The following GBE1 variants were observed in gnomAD, a reference collection of about 807,000 sequenced individuals.
The protein encoded by GBE1 is 1,4-alpha-glucan-branching enzyme.
GBE1 carries 70 observed loss-of-function variants against 88.8 expected under a neutral mutation model. The observed-to-expected ratio is 0.79, with a 90% CI of 0.65 to 0.96. The LOEUF (loss-of-function observed/expected upper bound fraction) is 0.96, where lower values mean the gene tolerates loss of function less well. Ranked by LOEUF, GBE1 falls within the 40% of genes least tolerant of loss-of-function variation. The probability of loss-of-function intolerance (pLI) is 0.00; values close to 1 mark genes in which losing one functional copy is unlikely to be tolerated. For missense variants in GBE1, 872 were observed against 871.0 expected, an observed-to-expected ratio of 1.00 and a Z score of -0.01; for synonymous variants, 284 against 300.1, an observed-to-expected ratio of 0.95 and a Z score of 0.56.
At chr3:81,545,563 T>C (rs1439756594) in intron 12 of GBE1, among the ~76,000 whole-genome samples, 1 of 151,922 alleles carries the variant, frequency 6.6e-6, no homozygotes, top group Non-Finnish European at 1.5e-5. Context: ...ACAGCCTCCC[T>C]TTTGCCTCCA....
At chr3:81,756,910 T>G (rs1706611659) in intron 1 of GBE1, among the ~76,000 whole-genome samples, 1 of 152,204 alleles carries the variant, frequency 6.6e-6, no homozygotes, top group Admixed American at 6.5e-5. Context: ...GTAGAGAAAT[T>G]GTTTTATATT....
chr3:81,661,166 T>C (rs546707131), intron 3 of GBE1, among the ~76,000 whole-genome samples: 16 of 152,250 alleles, frequency 1.1e-4, no homozygotes, highest in East Asian at 1.9e-4. Flanking sequence ...AAGTGTTCAA[T>C]TTTCCAGATT....
At position 81,522,304 on chromosome 3, in the gene GBE1, T is replaced by C. The variant is rs559136619; in HGVS notation, c.1934+12891A>G. Among the ~76,000 whole-genome samples the C allele has an allele frequency of 4.0e-5, 6 of 151,696 alleles. No individual in the cohort carries two copies. In the South Asian group the frequency reaches 8.3e-4, roughly 21 times the overall value. ...TTTTATTTATTAAAAAACAATACTG[T>C]TTATCTTGTGAAACAGTGATATTCT... On this transcript the variant is annotated intron_variant, in intron 14 of 15. Transcript: ENST00000429644.
intron 12 of GBE1, among the ~76,000 whole-genome samples, chr3:81,569,476 G>T (rs1207008562): frequency 6.6e-6 from 1 of 152,194 alleles, no homozygotes; most frequent in Non-Finnish European, 1.5e-5. Context: ...AGGGGTCAGA[G>T]ATGTTCATGC....
rs369241953 is a variant in GBE1 at position 81,574,939 on chromosome 3, C to T, written c.1618+2986G>A. On this transcript the variant is annotated intron_variant, in intron 12 of 15. Transcript: ENST00000429644. ...CAGCACTTTGGGAGGCCGAGGCAGGCGAATCACGAGGTCAGGAGATCGAGA... is the reference window on the plus strand; with the variant it reads ...CAGCACTTTGGGAGGCCGAGGCAGGTGAATCACGAGGTCAGGAGATCGAGA... Among the ~76,000 whole-genome samples the T allele has an allele frequency of 6.5e-4, 99 of 152,102 alleles. No homozygotes were observed. In the East Asian group the frequency reaches 0.017, roughly 26 times the overall value.
intron 14 of GBE1, among the ~76,000 whole-genome samples, chr3:81,526,382 A>G (rs970155064): frequency 3.3e-5 from 5 of 152,236 alleles, no homozygotes; most frequent in African/African-American, 9.6e-5. Flanking sequence ...GCAATCAGGC[A>G]GGAGAAAGAA....
At chr3:81,519,739 T>C (rs994039118) in intron 14 of GBE1, among the ~76,000 whole-genome samples, 6 of 151,422 alleles carry the variant, frequency 4.0e-5, no homozygotes, top group Non-Finnish European at 8.9e-5. Flanking sequence ...TAAGTTTTGC[T>C]TTAAAATTAT....
At chr3:81,752,768 C>A (rs1244297244) in intron 1 of GBE1, among the ~76,000 whole-genome samples, 4 of 152,116 alleles carry the variant, frequency 2.6e-5, no homozygotes, top group Non-Finnish European at 5.9e-5. Flanking sequence ...AGAAGGAACC[C>A]CCTAAAGTAA....
intron 7 of GBE1, among the ~76,000 whole-genome samples, chr3:81,640,973 T>C (rs1704669926): frequency 6.6e-6 from 1 of 152,114 alleles, no homozygotes; most frequent in African/African-American, 2.4e-5. Context: ...TTTGTCTCAA[T>C]TTCTGTGATA....
At chr3:81,596,065 T>A (rs1325355538) in intron 7 of GBE1, among the ~76,000 whole-genome samples, 1 of 151,964 alleles carries the variant, frequency 6.6e-6, no homozygotes, top group Non-Finnish European at 1.5e-5. Flanking sequence ...GTGCTTTTAA[T>A]TTCTTTTATA....
intron 3 of GBE1, among the ~76,000 whole-genome samples, chr3:81,656,878 C>T (rs561568777): frequency 2.6e-5 from 4 of 152,014 alleles, no homozygotes; most frequent in Admixed American, 6.6e-5. Flanking sequence ...AATTTGTGCC[C>T]GGGTGTGTGG....
intron 7 of GBE1, among the ~76,000 whole-genome samples, chr3:81,641,043 A>T (rs1001807434): frequency 1.3e-5 from 2 of 152,148 alleles, no homozygotes; most frequent in Non-Finnish European, 1.5e-5. Context: ...GGCTAAGTTT[A>T]AATGCACTTT....
At chr3:81,564,985 G>A (rs1261748880) in intron 12 of GBE1, among the ~76,000 whole-genome samples, 1 of 152,120 alleles carries the variant, frequency 6.6e-6, no homozygotes, top group South Asian at 2.1e-4. Context: ...ATATGTTAAA[G>A]CTCCCCAGGT....
At chr3:81,499,683 C>G (rs1702560243) in intron 14 of GBE1, among the ~76,000 whole-genome samples, 1 of 152,148 alleles carries the variant, frequency 6.6e-6, no homozygotes, top group African/African-American at 2.4e-5. Context: ...TAAATACATA[C>G]AGTCAGTCCT....
At chr3:81,547,337 C>A (rs538217009) in intron 12 of GBE1, among the ~76,000 whole-genome samples, 1 of 151,602 alleles carries the variant, frequency 6.6e-6, no homozygotes, top group Non-Finnish European at 1.5e-5. Context: ...ACGGGTTCAG[C>A]ACTATGGGAT....
At chr3:81,526,733 T>C (rs1437923868) in intron 14 of GBE1, among the ~76,000 whole-genome samples, 5 of 152,018 alleles carry the variant, frequency 3.3e-5, no homozygotes, top group Non-Finnish European at 5.9e-5. Flanking sequence ...TACAAACAAA[T>C]GGAAGAACAT....
intron 1 of GBE1, among the ~76,000 whole-genome samples, chr3:81,742,703 G>A (rs952531933): frequency 2.0e-5 from 3 of 152,082 alleles, no homozygotes; most frequent in Non-Finnish European, 4.4e-5. Context: ...ATAGGAGAAT[G>A]TTCTGAAATA....
intron 1 of GBE1, among the ~76,000 whole-genome samples, chr3:81,706,533 T>C (rs991214579): frequency 3.3e-5 from 5 of 152,276 alleles, no homozygotes; most frequent in Non-Finnish European, 7.4e-5. Context: ...AACTATACAA[T>C]GAACTAGGCA....
At chr3:81,555,873 G>T (rs922421684) in intron 12 of GBE1, among the ~76,000 whole-genome samples, 1 of 152,012 alleles carries the variant, frequency 6.6e-6, no homozygotes, top group Non-Finnish European at 1.5e-5. Flanking sequence ...ATTTCCTAAC[G>T]TCCCTTTATG....
Sources: allele counts gnomAD v4.1 joint callset (sites outside exome capture counted in the v4.1 genomes callset), GRCh38; gene constraint gnomAD v4.1.1; transcripts MANE v1.5; gene names NCBI Gene and HGNC (gene_info 2026-07-23, HGNC 2026-07-21).